CFDP1: variants seen among roughly 807,000 people sequenced by gnomAD.
The protein encoded by CFDP1 is chromatin remodeling protein CFDP1.
A neutral mutation model predicts 40.1 loss-of-function variants in CFDP1; 31 were observed. The observed-to-expected ratio is 0.77, with a 90% CI of 0.58 to 1.04. The LOEUF is 1.04. Among genes scored for constraint, CFDP1 ranks in the 50% least tolerant of loss-of-function variants. The pLI is 0.00. For missense variants in CFDP1, 423 were observed against 343.4 expected (o/e 1.23, Z -1.83); for synonymous variants, 167 against 120.0 (o/e 1.39, Z -2.56).
chr16:75,394,992 C>T, intron 5 of CFDP1, 98 bp downstream of exon 5: 1 of 1,414,996 alleles, frequency 7.1e-7, no homozygotes, highest in South Asian at 1.3e-5. Context: ...AATTCTCTCT[C>T]TCAGGCAAGG....
At chr16:75,430,359 C>A (rs1379489693) in intron 1 of CFDP1, among the ~76,000 whole-genome samples, 1 of 152,076 alleles carries the variant, frequency 6.6e-6, no homozygotes, top group Non-Finnish European at 1.5e-5. Flanking sequence ...TTAGTACAGA[C>A]AGGGTTTCAC....
At chr16:75,306,862 CAT>C (rs1165433921) in intron 5 of CFDP1, among the ~76,000 whole-genome samples, 1 of 150,070 alleles carries the variant, frequency 6.7e-6, no homozygotes, top group Non-Finnish European at 1.5e-5. Context: ...CCTACAATGT[CAT>C]ATGTGCGCGT....
intron 5 of CFDP1, among the ~76,000 whole-genome samples, chr16:75,337,062 T>C (rs949126163): frequency 1.3e-5 from 2 of 152,182 alleles, no homozygotes; most frequent in Admixed American, 1.3e-4. Flanking sequence ...GTCTCTGCCA[T>C]GCACAAGTTT....
At chr16:75,424,718 C>T (rs997399781) in intron 1 of CFDP1, among the ~76,000 whole-genome samples, 3 of 144,674 alleles carry the variant, frequency 2.1e-5, no homozygotes, top group Admixed American at 1.4e-4. Flanking sequence ...CGTGCCACTG[C>T]ACACTCCAGC....
At chr16:75,408,969 T>G (rs965840600) in intron 4 of CFDP1, among the ~76,000 whole-genome samples, 4 of 151,900 alleles carry the variant, frequency 2.6e-5, no homozygotes, top group Non-Finnish European at 4.4e-5. Flanking sequence ...GTGATTCTCC[T>G]GCTTCAGCCT....
At chr16:75,374,617 G>C in intron 5 of CFDP1, among the ~76,000 whole-genome samples, 1 of 151,696 alleles carries the variant, frequency 6.6e-6, no homozygotes, top group East Asian at 1.9e-4. Context: ...CGGAGTTTGA[G>C]ACCAGCCTGG....
In CFDP1 at chr16:75,433,275, G is replaced by A. The variant is rs766112245; in HGVS notation, c.64+14C>T. The A allele has an allele frequency of 2.5e-6, 4 of 1,592,772 alleles. No individual in the cohort carries two copies. The highest frequency in any genetic ancestry group is 3.4e-5 in the Admixed American group (2 of 58,582). On this transcript the variant is annotated intron_variant, in intron 1 of 6. Coordinates refer to ENST00000283882, the MANE Select transcript of CFDP1 (RefSeq NM_006324.3). Reference sequence around the variant, plus strand: ...CGGGGCAATTCGCTTCTCGCCTCAGGCGGAATCGCTCACCCGACGGCACGT... The same window carrying A: ...CGGGGCAATTCGCTTCTCGCCTCAGACGGAATCGCTCACCCGACGGCACGT...
intron 1 of CFDP1, 106 bp downstream of exon 1, chr16:75,433,183 C>CA: frequency 8.9e-7 from 1 of 1,118,406 alleles, no homozygotes; most frequent in Admixed American, 2.1e-5. Context: ...CAGGAGCCCC[C>CA]CTGGACCACC....
chr16:75,350,301 A>T (rs2078601826), intron 5 of CFDP1, among the ~76,000 whole-genome samples: 1 of 152,184 alleles, frequency 6.6e-6, no homozygotes, highest in African/African-American at 2.4e-5. Flanking sequence ...AACTTTGAGA[A>T]TCTGCCAAAC....
chr16:75,305,143 T>A lies in CFDP1; in HGVS notation c.690A>T (p.Lys230Asn), dbSNP rs1567639891. 1.2e-6 allele frequency: 2 copies of A among 1,614,138 alleles called. No homozygotes were observed. Among genetic ancestry groups the A allele is most frequent in the Non-Finnish European group, 1.7e-6 (2 of 1,180,012 alleles). Residue 230 changes from lysine (K) to asparagine (N), a missense_variant, in exon 6 of 7, where the codon AAA (lysine) becomes AAT (asparagine). Coordinates refer to ENST00000283882, the MANE Select transcript of CFDP1 (RefSeq NM_006324.3). ...RSSGMSSLLGKIGAKKQKMST... is the reference protein window; with the variant it reads ...RSSGMSSLLGNIGAKKQKMST... ...TCATTTTCTGCTTCTTGGCACCAATTTTCCCCAAAAGGCTGCTCATGCCAC... is the reference window on the plus strand; with the variant it reads ...TCATTTTCTGCTTCTTGGCACCAATATTCCCCAAAAGGCTGCTCATGCCAC...
At chr16:75,411,070 T>C (rs1408708156) in intron 4 of CFDP1, among the ~76,000 whole-genome samples, 4 of 151,200 alleles carry the variant, frequency 2.6e-5, no homozygotes, top group African/African-American at 7.3e-5. Context: ...AACACAAAAA[T>C]AACAGGGCAT....
At chr16:75,383,280 A>C (rs2078866276) in intron 5 of CFDP1, among the ~76,000 whole-genome samples, 1 of 152,330 alleles carries the variant, frequency 6.6e-6, no homozygotes, top group East Asian at 1.9e-4. Context: ...AGCCTCTCCC[A>C]AAAGAAAAAT....
chr16:75,296,065 G>A (rs1240688704), intron 6 of CFDP1, among the ~76,000 whole-genome samples: 1 of 152,158 alleles, frequency 6.6e-6, no homozygotes, highest in Non-Finnish European at 1.5e-5. Flanking sequence ...CCCTGGAAGT[G>A]CTAGCAGAAA....
chr16:75,340,990 T>C (rs1028617880), intron 5 of CFDP1, among the ~76,000 whole-genome samples: 1 of 152,180 alleles, frequency 6.6e-6, no homozygotes, highest in African/African-American at 2.4e-5. Flanking sequence ...GTCTGTTTCC[T>C]GACTTGGAAG....
chr16:75,347,072 C>G (rs1033208233), intron 5 of CFDP1, among the ~76,000 whole-genome samples: 5 of 151,872 alleles, frequency 3.3e-5, no homozygotes, highest in Non-Finnish European at 7.4e-5. Context: ...AGGCCAGGCA[C>G]GGGGGGCTCA....
intron 5 of CFDP1, among the ~76,000 whole-genome samples, chr16:75,340,947 A>C (rs1469494289): frequency 6.6e-6 from 1 of 152,168 alleles, no homozygotes; most frequent in African/African-American, 2.4e-5. Context: ...GCACCTCTCA[A>C]AATTCCAAGC....
chr16:75,390,711 GTATT>G lies in CFDP1; in HGVS notation c.650+4375_650+4378del. ...GCAGAGAGAGAAGAAACAGATCTGG[GTATT>G]TATTCCCTTGGCTTCCCTCTGGGGG... On this transcript the variant is annotated intron_variant, in intron 5 of 6. Transcript: ENST00000283882. 2.0e-5 allele frequency among the ~76,000 whole-genome samples: 3 copies of G among 152,330 alleles called. No individual in the cohort carries two copies. The Middle Eastern group carries it at 0.01, about 518-fold the overall frequency.
chr16:75,377,279 G>A (rs547352520), intron 5 of CFDP1, among the ~76,000 whole-genome samples: 52 of 152,328 alleles, frequency 3.4e-4, no homozygotes, highest in African/African-American at 1.2e-3. Context: ...AATGAATGCT[G>A]TTTGATACAT....
chr16:75,391,057 A>C lies in CFDP1; in HGVS notation c.650+4033T>G, dbSNP rs370681063. On this transcript the variant is annotated intron_variant, in intron 5 of 6. Transcript: ENST00000283882. ...TAAGAAAGGCAGGCATGGATATGAC[A>C]AGCAGTGAGATTTCTACATGAGTGA... 1.9e-4 allele frequency among the ~76,000 whole-genome samples: 29 copies of C among 152,372 alleles called. No homozygotes were observed. The South Asian group carries it at 5.8e-3, about 30-fold the overall frequency.
Sources: allele counts gnomAD v4.1 joint callset (sites outside exome capture counted in the v4.1 genomes callset), GRCh38; gene constraint gnomAD v4.1.1; transcripts MANE v1.5; gene names NCBI Gene and HGNC (gene_info 2026-07-23, HGNC 2026-07-21).